MYPN: variants seen among roughly 807,000 people sequenced by gnomAD.
The protein encoded by MYPN is myopalladin.
Under a neutral mutation model 129.4 loss-of-function variants are expected in MYPN, and 63 were observed. That is an observed-to-expected ratio of 0.49 (90% CI 0.40 to 0.60). The LOEUF (loss-of-function observed/expected upper bound fraction) is 0.60, where lower values mean the gene tolerates loss of function less well. Among genes scored for constraint, MYPN ranks in the 20% least tolerant of loss-of-function variants. The probability of loss-of-function intolerance (pLI) is 0.00; values close to 1 mark genes in which losing one functional copy is unlikely to be tolerated. For missense variants in MYPN, 1,596 were observed against 1,635.4 expected (o/e 0.98, Z 0.42); for synonymous variants, 629 against 600.9 (o/e 1.05, Z -0.68).
Position 68,166,403 on chromosome 10 carries a change from G to T in MYPN, c.1710G>T (p.Val570=). The change falls in exon 10 of 20, where the codon GTG becomes GTT. Residue 570 remains valine (V), a synonymous_variant. Transcript: ENST00000358913. ...CACCCCACTCAGAGCCTCCATCTGT[G>T]GAACAACCCCCCAAACCCAAACTCG... is the stretch of plus-strand genomic sequence containing the variant. ...PSPPHSEPPS[V]EQPPKPKLEG... 6.2e-7 allele frequency: 1 copy of T among 1,614,028 alleles called. No homozygotes were observed.
At chr10:68,153,536 GAGGCTTTCTCAGCCTCGTC>G (rs971322597) in intron 6 of MYPN, among the ~76,000 whole-genome samples, 1 of 152,114 alleles carries the variant, frequency 6.6e-6, no homozygotes, top group Non-Finnish European at 1.5e-5. Flanking sequence ...AAACCCTGAC[GAGGCTTTCTCAGCCTCGTC>G]AGGATATGTG....
In MYPN at chr10:68,206,313, C is replaced by T. The variant is rs1243243313; in HGVS notation, c.3660-457C>T. On this transcript the variant is annotated intron_variant, in intron 18 of 19. Transcript: ENST00000358913. ...GAAGGAAACAGCAGGCTGATTTCCTCCTAAACCTCGTGAAGCTGGAAGCTG... is the reference window on the plus strand; with the variant it reads ...GAAGGAAACAGCAGGCTGATTTCCTTCTAAACCTCGTGAAGCTGGAAGCTG... Among the ~76,000 whole-genome samples the T allele has an allele frequency of 2.6e-5, 4 of 152,116 alleles. No homozygotes were observed. The East Asian group carries it at 5.8e-4, about 22-fold the overall frequency.
At chr10:68,128,504 A>G (rs1032531013) in intron 2 of MYPN, among the ~76,000 whole-genome samples, 2 of 152,160 alleles carry the variant, frequency 1.3e-5, no homozygotes, top group African/African-American at 4.8e-5. Flanking sequence ...ACCTTCATTC[A>G]TTCATTCATC....
intron 2 of MYPN, among the ~76,000 whole-genome samples, chr10:68,124,473 C>T (rs2042296618): frequency 6.6e-6 from 1 of 152,118 alleles, no homozygotes; most frequent in Non-Finnish European, 1.5e-5. Flanking sequence ...TTAATAATAG[C>T]ATTTTTGTTT....
At chr10:68,116,252 C>G (rs927415169) in intron 1 of MYPN, among the ~76,000 whole-genome samples, 2 of 150,236 alleles carry the variant, frequency 1.3e-5, no homozygotes, top group Non-Finnish European at 2.9e-5. Context: ...AAAATTAATG[C>G]TTAAAATAGA....
At chr10:68,186,570 G>A (rs2043424939) in intron 12 of MYPN, among the ~76,000 whole-genome samples, 1 of 152,016 alleles carries the variant, frequency 6.6e-6, no homozygotes, top group South Asian at 2.1e-4. Context: ...TTAACCAAAG[G>A]TCTCACTCTC....
chr10:68,099,140 G>A lies in MYPN; in HGVS notation c.-2+11148G>A, dbSNP rs57598083. On this transcript the variant is annotated intron_variant, in intron 1 of 6. Coordinates refer to the MYPN transcript ENST00000685154. The stretch of plus-strand genomic sequence containing the variant: ...TCAAAGCTGTTGTAAGTCTCATTTG[G>A]CACACATTTATTGCTCCAGTTTTGC... Among the ~76,000 whole-genome samples the A allele has an allele frequency of 0.018, 2,699 of 152,086 alleles. 181 individuals carry two copies. In the East Asian group the frequency reaches 0.2, roughly 11 times the overall value.
chr10:68,203,718 C>CAGAGAGAG (rs1338807696), intron 18 of MYPN, among the ~76,000 whole-genome samples: 1,470 of 69,376 alleles, frequency 0.021, 11 homozygotes, highest in Middle Eastern at 0.079. Context: ...CACATACACA[C>CAGAGAGAG]ACAGAGAGAG....
chr10:68,136,804 T>C (rs1406110820), intron 2 of MYPN: 11 of 1,411,968 alleles, frequency 7.8e-6, no homozygotes, highest in Non-Finnish European at 1.1e-5. Flanking sequence ...GTATTAGTTT[T>C]GAAATAGCTA....
intron 2 of MYPN, among the ~76,000 whole-genome samples, chr10:68,134,248 A>T (rs1268150568): frequency 6.6e-6 from 1 of 152,184 alleles, no homozygotes; most frequent in Non-Finnish European, 1.5e-5. Context: ...ATCAGTAAAT[A>T]AAGCAAAGTT....
At chr10:68,160,256 C>A (rs2634708) in intron 7 of MYPN, among the ~76,000 whole-genome samples, 97,470 of 150,730 alleles carry the variant, frequency 0.65, 32,108 homozygotes, top group Non-Finnish European at 0.7. Context: ...CCACCAAAAA[C>A]AACAAAAACA....
chr10:68,106,019 C>A, upstream of MYPN: 1 of 376,854 alleles, frequency 2.7e-6, no homozygotes. Context: ...AAATGACTGT[C>A]CCTGGATCTG....
intron 7 of MYPN, among the ~76,000 whole-genome samples, chr10:68,160,265 CA>C (rs1489957133): frequency 6.7e-6 from 1 of 148,642 alleles, no homozygotes; most frequent in Admixed American, 6.7e-5. Flanking sequence ...ACAACAAAAA[CA>C]AAAAAAACCA....
intron 1 of MYPN, among the ~76,000 whole-genome samples, chr10:68,112,430 T>C (rs1177816656): frequency 1.3e-5 from 2 of 152,214 alleles, no homozygotes; most frequent in Non-Finnish European, 2.9e-5. Flanking sequence ...CTTTCTTTCC[T>C]ACATTCTTAC....
At chr10:68,196,437 T>A (rs2043606001) in intron 15 of MYPN, among the ~76,000 whole-genome samples, 2 of 151,840 alleles carry the variant, frequency 1.3e-5, no homozygotes, top group African/African-American at 4.8e-5. Flanking sequence ...GTGACCCATG[T>A]TTCAGATACA....
At position 68,150,028 on chromosome 10, in the gene MYPN, C is replaced by T; in HGVS notation, c.1246-12C>T. On this transcript the variant is annotated splice_polypyrimidine_tract_variant and intron_variant, in intron 5 of 19. Coordinates refer to ENST00000358913, the MANE Select transcript of MYPN (RefSeq NM_032578.4). ...AGTAACAATGAATTTACTGTTGCTTCCCTTCTACCAGTGTCAGAGCCCCAC... is the reference window on the plus strand; with the variant it reads ...AGTAACAATGAATTTACTGTTGCTTTCCTTCTACCAGTGTCAGAGCCCCAC... The T allele has an allele frequency of 6.2e-7, 1 of 1,609,832 alleles. No individual in the cohort carries two copies. The highest frequency in any genetic ancestry group is 8.5e-7 in the Non-Finnish European group (1 of 1,176,196).
Position 68,145,511 on chromosome 10 carries a change from A to C in MYPN, c.1115A>C (p.Lys372Thr), listed in dbSNP as rs1295040424. ...TCTGACTCAGAAGGCGACCCTAACA[A>C]GGAAGAGATGAATCGGTAATTCTGA... ...SSSDSEGDPN[K>T]EEMNRIQKPN... Residue 372 changes from lysine (K) to threonine (T), a missense_variant, in exon 4 of 20, where the codon AAG (lysine) becomes ACG (threonine). By Grantham distance (78) the Lys-to-Thr change is moderately conservative. Transcript: ENST00000358913. 1.2e-6 allele frequency: 2 copies of C among 1,613,356 alleles called. No homozygotes were observed. Among genetic ancestry groups the C allele is most frequent in the Non-Finnish European group, 8.5e-7 (1 of 1,179,508 alleles).
In MYPN at chr10:68,175,477, TTAG is replaced by T. The variant is rs554680048; in HGVS notation, c.2703+17_2703+19del. On this transcript the variant is annotated intron_variant, in intron 12 of 19. Coordinates refer to ENST00000358913, the MANE Select transcript of MYPN (RefSeq NM_032578.4). The stretch of plus-strand genomic sequence containing the variant: ...AAACCAGCAGGTAAGATTGTTGGAT[TTAG>T]AAGGTTTATTGAAATTTTATTGTAA... 361 of 1,613,858 alleles carry T rather than the reference TTAG, an allele frequency of 2.2e-4. 3 individuals carry two copies. The South Asian group carries it at 3.3e-3, about 15-fold the overall frequency.
chr10:68,182,282 C>T (rs1283113470), intron 12 of MYPN, among the ~76,000 whole-genome samples: 2 of 25,258 alleles, frequency 7.9e-5, no homozygotes, highest in African/African-American at 1.6e-4. Context: ...ATATAACACA[C>T]ATATATATAT....
Sources: allele counts gnomAD v4.1 joint callset (sites outside exome capture counted in the v4.1 genomes callset), GRCh38; gene constraint gnomAD v4.1.1; transcripts MANE v1.5; gene names NCBI Gene and HGNC (gene_info 2026-07-23, HGNC 2026-07-21).